The following CYP7B1 variants were observed in gnomAD, a reference collection of about 807,000 sequenced individuals.
The protein encoded by CYP7B1 is cytochrome P450 7B1.
CYP7B1 carries 29 observed loss-of-function variants against 42.7 expected under a neutral mutation model. That is an observed-to-expected ratio of 0.68 (90% CI 0.51 to 0.93). CYP7B1 has a LOEUF of 0.93. CYP7B1 is among the 40% of genes least tolerant of loss of function. The probability of loss-of-function intolerance (pLI) is 0.00; values close to 1 mark genes in which losing one functional copy is unlikely to be tolerated. For missense variants in CYP7B1, 655 were observed against 600.5 expected (o/e 1.09, Z -0.95); for synonymous variants, 235 against 218.2 (o/e 1.08, Z -0.68).
chr8:64,634,522 T>A (rs1470254400), intron 1 of CYP7B1, among the ~76,000 whole-genome samples: 1 of 148,756 alleles, frequency 6.7e-6, no homozygotes, highest in Admixed American at 6.7e-5. Flanking sequence ...GAGGTTCCAG[T>A]GAACCGAGAT....
intron 1 of CYP7B1, among the ~76,000 whole-genome samples, chr8:64,670,510 C>T (rs1222781036): frequency 6.6e-6 from 1 of 152,006 alleles, no homozygotes; most frequent in East Asian, 1.9e-4. Flanking sequence ...ACACTGAGTA[C>T]AAAATAGCTT....
At chr8:64,599,361 T>C (rs184730422) in intron 5 of CYP7B1, among the ~76,000 whole-genome samples, 75 of 152,188 alleles carry the variant, frequency 4.9e-4, no homozygotes, top group African/African-American at 1.8e-3. Context: ...GCTAATTTTT[T>C]GTATTATTAG....
intron 1 of CYP7B1, among the ~76,000 whole-genome samples, chr8:64,669,720 CAT>C (rs748728820): frequency 0.013 from 2,029 of 151,642 alleles, 20 homozygotes; most frequent in Middle Eastern, 0.024. Context: ...GAAGGTTTTA[CAT>C]ACATACACAC....
rs2129629681 is a variant in CYP7B1 at position 64,594,404 on chromosome 8, A to G, written c.*2238T>C. ...TATATCTTTAAAATCACAGAGCTTCATAAGAAAATTAGGAAGAATATAACT... is the reference window on the plus strand; with the variant it reads ...TATATCTTTAAAATCACAGAGCTTCGTAAGAAAATTAGGAAGAATATAACT... On this transcript the variant is annotated 3_prime_UTR_variant, in exon 6 of 6. Transcript: ENST00000310193. Among the ~76,000 whole-genome samples, 1 of 152,356 alleles carries G rather than the reference A, an allele frequency of 6.6e-6. No individual in the cohort carries two copies. Among genetic ancestry groups the G allele is most frequent in the South Asian group, 2.1e-4 (1 of 4,830 alleles).
At chr8:64,709,409 T>G (rs549885898) in intron 1 of CYP7B1, among the ~76,000 whole-genome samples, 1 of 152,358 alleles carries the variant, frequency 6.6e-6, no homozygotes, top group African/African-American at 2.4e-5. Context: ...ATAAAAACTT[T>G]AATGATATGG....
chr8:64,736,782 A>G (rs1387568705), intron 1 of CYP7B1, among the ~76,000 whole-genome samples: 1 of 152,040 alleles, frequency 6.6e-6, no homozygotes, highest in Non-Finnish European at 1.5e-5. Context: ...AGTTTCAAAA[A>G]TTTTATTTTC....
intron 1 of CYP7B1, among the ~76,000 whole-genome samples, chr8:64,767,492 C>T (rs117922193): frequency 0.048 from 7,336 of 152,288 alleles, 603 homozygotes; most frequent in East Asian, 0.32. Context: ...GGGAACCTCA[C>T]GAGGACATAG....
At chr8:64,764,215 C>T (rs931411349) in intron 1 of CYP7B1, among the ~76,000 whole-genome samples, 16 of 146,158 alleles carry the variant, frequency 1.1e-4, no homozygotes, top group African/African-American at 3.3e-4. Flanking sequence ...GAATTTCTAC[C>T]CAGCTTCCAC....
At chr8:64,674,520 T>C (rs1806414456) in intron 1 of CYP7B1, among the ~76,000 whole-genome samples, 1 of 152,138 alleles carries the variant, frequency 6.6e-6, no homozygotes, top group Admixed American at 6.6e-5. Flanking sequence ...TAAATAATGA[T>C]AACTTTAAAT....
chr8:64,713,756 G>C (rs1346830616), intron 1 of CYP7B1, among the ~76,000 whole-genome samples: 1 of 152,086 alleles, frequency 6.6e-6, no homozygotes, highest in Non-Finnish European at 1.5e-5. Context: ...AATCCCAGAA[G>C]GGAAGAGACA....
intron 1 of CYP7B1, among the ~76,000 whole-genome samples, chr8:64,661,932 C>T (rs1213283834): frequency 6.6e-6 from 1 of 152,116 alleles, no homozygotes; most frequent in East Asian, 1.9e-4. Flanking sequence ...ACAAGATTGT[C>T]TTTCACATTC....
intron 1 of CYP7B1, among the ~76,000 whole-genome samples, chr8:64,634,024 A>T (rs754380095): frequency 6.6e-6 from 1 of 152,220 alleles, no homozygotes; most frequent in Non-Finnish European, 1.5e-5. Context: ...TTACTTTAAG[A>T]TGTTAGTAGT....
intron 1 of CYP7B1, among the ~76,000 whole-genome samples, chr8:64,705,468 G>A (rs896313840): frequency 1.3e-5 from 2 of 150,842 alleles, no homozygotes; most frequent in Admixed American, 1.3e-4. Context: ...ATTCAGATTA[G>A]TTATTTTATG....
chr8:64,669,043 A>G (rs955018774), intron 1 of CYP7B1, among the ~76,000 whole-genome samples: 2 of 152,154 alleles, frequency 1.3e-5, no homozygotes, highest in African/African-American at 4.8e-5. Context: ...TTTTGTAGGT[A>G]TTAGCTTATC....
At chr8:64,642,141 A>T (rs1805864540) in intron 1 of CYP7B1, among the ~76,000 whole-genome samples, 2 of 152,226 alleles carry the variant, frequency 1.3e-5, no homozygotes, top group African/African-American at 4.8e-5. Context: ...TTGATCTAGC[A>T]TGTACATTAT....
intron 1 of CYP7B1, among the ~76,000 whole-genome samples, chr8:64,668,168 C>G (rs1806311122): frequency 6.6e-6 from 1 of 152,184 alleles, no homozygotes; most frequent in Non-Finnish European, 1.5e-5. Flanking sequence ...TATGGGTCTA[C>G]AGATTCATCA....
chr8:64,773,303 T>C (rs1329470644), intron 1 of CYP7B1, among the ~76,000 whole-genome samples: 1 of 152,202 alleles, frequency 6.6e-6, no homozygotes, highest in East Asian at 1.9e-4. Flanking sequence ...TTTAATTTCT[T>C]CTAATGTACA....
rs1585795090 is a variant in CYP7B1 at position 64,595,569 on chromosome 8, T to G, written c.*1073A>C. Among the ~76,000 whole-genome samples, 1 of 152,132 alleles carries G rather than the reference T, an allele frequency of 6.6e-6. No individual in the cohort carries two copies. The highest frequency in any genetic ancestry group is 2.4e-5 in the African/African-American group (1 of 41,432). ...AAGGGACCAAAGCGGGAGGATCACT[T>G]GAGGTCAGGATTTGAGACCAGCCTG... On this transcript the variant is annotated 3_prime_UTR_variant, in exon 6 of 6. Coordinates refer to ENST00000310193, the MANE Select transcript of CYP7B1 (RefSeq NM_004820.5).
intron 1 of CYP7B1, among the ~76,000 whole-genome samples, chr8:64,738,448 T>A (rs1418608039): frequency 6.6e-6 from 1 of 152,162 alleles, no homozygotes; most frequent in African/African-American, 2.4e-5. Flanking sequence ...GCAAATCAGA[T>A]CATTGTTCTC....
Sources: allele counts gnomAD v4.1 joint callset (sites outside exome capture counted in the v4.1 genomes callset), GRCh38; gene constraint gnomAD v4.1.1; transcripts MANE v1.5; gene names NCBI Gene and HGNC (gene_info 2026-07-23, HGNC 2026-07-21).